Variants in BRD4 observed in about 807,000 individuals in gnomAD.
BRD4 encodes the protein bromodomain containing 4.
In BRD4, 16 loss-of-function variants were observed where a neutral mutation model predicts 142.1. That is an observed-to-expected ratio of 0.11 (90% CI 0.08 to 0.17). The LOEUF is 0.17. Among genes scored for constraint, BRD4 ranks in the 10% least tolerant of loss-of-function variants. The pLI is 1.00. For missense variants in BRD4, 1,424 were observed against 1,810.9 expected, an observed-to-expected ratio of 0.79 and a Z score of 3.88; for synonymous variants, 833 against 707.5, an observed-to-expected ratio of 1.18 and a Z score of -2.82.
chr19:15,318,357 C>T (rs1180737233), intron 1 of BRD4, among the ~76,000 whole-genome samples: 1 of 152,202 alleles, frequency 6.6e-6, no homozygotes, highest in Non-Finnish European at 1.5e-5. Flanking sequence ...TTTCCATCCT[C>T]TGACTCAACT....
chr19:15,285,489 T>TG (rs1307341948), intron 1 of BRD4, among the ~76,000 whole-genome samples: 7 of 152,186 alleles, frequency 4.6e-5, no homozygotes, highest in African/African-American at 1.7e-4. Flanking sequence ...CGCTTGAGCC[T>TG]GGGAGACAGA....
At chr19:15,301,129 T>C (rs2047863743) in intron 1 of BRD4, among the ~76,000 whole-genome samples, 5 of 152,200 alleles carry the variant, frequency 3.3e-5, no homozygotes, top group Admixed American at 3.3e-4. Flanking sequence ...TCCCACTAAG[T>C]AGTCAGATGA....
In BRD4 at chr19:15,282,609, T is replaced by C. The variant is rs189143222; in HGVS notation, c.-34-9476A>G. Among the ~76,000 whole-genome samples the C allele has an allele frequency of 5.9e-5, 9 of 152,354 alleles. No individual in the cohort carries two copies. In the East Asian group the frequency reaches 1.7e-3, roughly 29 times the overall value. ...GGCCAAATTACAGGCTGAAAGATTATGATAGAAATGTCATTAATTCAAGCT... is the reference window on the plus strand; with the variant it reads ...GGCCAAATTACAGGCTGAAAGATTACGATAGAAATGTCATTAATTCAAGCT... On this transcript the variant is annotated intron_variant, in intron 1 of 19. Coordinates refer to ENST00000679869, the MANE Select transcript of BRD4 (RefSeq NM_001379291.1).
At position 15,239,781 on chromosome 19, in the gene BRD4, ACG is replaced by A. The variant is rs1170079917; in HGVS notation, c.3321_3322del (p.Val1108GlyfsTer68). On this transcript the variant is annotated frameshift_variant, in exon 16 of 20. Transcript: ENST00000679869. LOFTEE classifies it high-confidence loss of function. This position sits in a 1 kb window ranked among gnomAD's most constrained non-coding sequence, Gnocchi z 7.4. ...GTGGATCTTCTCCTCCTTCACCACC[ACG>A]AGGGGCTGGGGCTGGACCACGGAGG... 1 of 1,612,600 alleles carries A rather than the reference ACG, an allele frequency of 6.2e-7. No homozygotes were observed. The highest frequency in any genetic ancestry group is 1.3e-5 in the African/African-American group (1 of 74,888).
At chr19:15,241,260 G>T (rs1804944529) in intron 14 of BRD4, among the ~76,000 whole-genome samples, 1 of 152,238 alleles carries the variant, frequency 6.6e-6, no homozygotes, top group Non-Finnish European at 1.5e-5. Flanking sequence ...GGGATCCACA[G>T]GCACATGACT....
intron 1 of BRD4, among the ~76,000 whole-genome samples, chr19:15,284,981 A>T (rs2047729627): frequency 6.6e-6 from 1 of 152,184 alleles, no homozygotes; most frequent in Non-Finnish European, 1.5e-5. Flanking sequence ...GAGAAAAGAC[A>T]CAGAGCATGC....
At chr19:15,299,682 C>T (rs2047852090) in intron 1 of BRD4, among the ~76,000 whole-genome samples, 1 of 152,204 alleles carries the variant, frequency 6.6e-6, no homozygotes, top group Non-Finnish European at 1.5e-5. Flanking sequence ...TTCAGTGGCC[C>T]AGCATGAGTG....
intron 1 of BRD4, among the ~76,000 whole-genome samples, chr19:15,324,583 T>C (rs765798263): frequency 6.6e-6 from 1 of 152,212 alleles, no homozygotes; most frequent in East Asian, 1.9e-4. Flanking sequence ...CAAGCCCAGA[T>C]GCCAATACAA....
chr19:15,254,034 C>A, intron 11 of BRD4, 118 bp downstream of exon 11: 1 of 848,426 alleles, frequency 1.2e-6, no homozygotes, highest in Non-Finnish European at 1.9e-6. Flanking sequence ...GACAGAGGAA[C>A]CCAGCAAGTT....
intron 2 of BRD4, among the ~76,000 whole-genome samples, chr19:15,269,806 A>G (rs1308901105): frequency 6.6e-6 from 1 of 152,254 alleles, no homozygotes; most frequent in Non-Finnish European, 1.5e-5. Flanking sequence ...TAACAGATGT[A>G]AACGTCTTAA....
At chr19:15,303,595 A>G (rs977386349) in intron 1 of BRD4, among the ~76,000 whole-genome samples, 2 of 152,220 alleles carry the variant, frequency 1.3e-5, no homozygotes, top group African/African-American at 4.8e-5. Flanking sequence ...CAACAATACA[A>G]TAAAATGCAA....
At chr19:15,291,524 C>T (rs2047781707) in intron 1 of BRD4, among the ~76,000 whole-genome samples, 1 of 152,204 alleles carries the variant, frequency 6.6e-6, no homozygotes, top group South Asian at 2.1e-4. Flanking sequence ...ACAAGTGAGG[C>T]TCTGTGGTTC....
rs145097941 is a variant in BRD4, at chr19:15,270,930, CCTT to C, written c.285+1882_285+1884del. ...AGATCAGGGCCACCATGGATCAGTC[CCTT>C]CTTCTTATGTCAGAGCTAATGAGGG... On this transcript the variant is annotated intron_variant, in intron 2 of 19. Coordinates refer to ENST00000679869, the MANE Select transcript of BRD4 (RefSeq NM_001379291.1). 1.1e-3 allele frequency among the ~76,000 whole-genome samples: 166 copies of C among 152,220 alleles called. 1 individual carries two copies. Among genetic ancestry groups the C allele is most frequent in the African/African-American group, 3.8e-3 (157 of 41,528 alleles).
At chr19:15,266,144 G>A (rs920787301) in intron 4 of BRD4, among the ~76,000 whole-genome samples, 1 of 152,110 alleles carries the variant, frequency 6.6e-6, no homozygotes, top group Non-Finnish European at 1.5e-5. Flanking sequence ...TGACTGGCTC[G>A]AGCGCTGCCT....
In BRD4 at chr19:15,239,856, G is replaced by A. The variant is rs2047224743; in HGVS notation, c.3283-35C>T. On this transcript the variant is annotated intron_variant, in intron 15 of 19. Transcript: ENST00000679869. The surrounding 1 kb of genome is among the most constrained non-coding windows in gnomAD (Gnocchi z 7.4). ...CACAGGCACAGCGGCCGGTGAGGTGGGCAGGCACCCCCGGCCCTAGCCCAC... is the reference window on the plus strand; with the variant it reads ...CACAGGCACAGCGGCCGGTGAGGTGAGCAGGCACCCCCGGCCCTAGCCCAC... The A allele has an allele frequency of 6.2e-6, 10 of 1,613,780 alleles. No homozygotes were observed. The highest frequency in any genetic ancestry group is 1.6e-4 in the Middle Eastern group (1 of 6,084).
chr19:15,269,064 T>C, intron 2 of BRD4, 22 bp from the exon 3 acceptor site: 1 of 1,613,210 alleles, frequency 6.2e-7, no homozygotes, highest in Non-Finnish European at 8.5e-7. Flanking sequence ...AGAGCAAAAG[T>C]CCAGTGTCAC....
chr19:15,328,454 C>T (rs2048128384), intron 1 of BRD4, among the ~76,000 whole-genome samples: 1 of 152,150 alleles, frequency 6.6e-6, no homozygotes, highest in African/African-American at 2.4e-5. Context: ...GGGAAATGTC[C>T]AGTAGTGCAT....
At chr19:15,241,791 C>T (rs1362645127) in intron 14 of BRD4, among the ~76,000 whole-genome samples, 2 of 151,376 alleles carry the variant, frequency 1.3e-5, no homozygotes, top group African/African-American at 4.9e-5. Context: ...TGCAGAGATC[C>T]ACTTGGCACC....
chr19:15,256,827 A>G (rs1339590333), intron 8 of BRD4, 137 bp downstream of exon 8: 3 of 731,558 alleles, frequency 4.1e-6, no homozygotes, highest in Non-Finnish European at 6.5e-6. Context: ...AGCAAAGGGG[A>G]AAAGGCCACA....
Sources: allele counts gnomAD v4.1 joint callset (sites outside exome capture counted in the v4.1 genomes callset), GRCh38; gene constraint gnomAD v4.1.1; non-coding constraint Gnocchi (gnomAD v3.1); transcripts MANE v1.5; gene names NCBI Gene and HGNC (gene_info 2026-07-23, HGNC 2026-07-21).